STAB2: variants seen among roughly 807,000 people sequenced by gnomAD.
STAB2 encodes the protein stabilin-2.
STAB2 carries 288 observed loss-of-function variants against 338.1 expected under a neutral mutation model. The observed-to-expected ratio is 0.85, with a 90% CI of 0.77 to 0.94. The LOEUF (loss-of-function observed/expected upper bound fraction) is 0.94. Ranked by LOEUF, STAB2 falls within the 40% of genes least tolerant of loss-of-function variation. STAB2 has a pLI of 0.00. For missense variants in STAB2, 3,141 were observed against 3,210.1 expected (o/e 0.98, Z 0.52); for synonymous variants, 1,202 against 1,193.3 (o/e 1.01, Z -0.15).
At chr12:103,681,844 G>A (rs1454300978) in intron 25 of STAB2, among the ~76,000 whole-genome samples, 1 of 151,718 alleles carries the variant, frequency 6.6e-6, no homozygotes, top group Non-Finnish European at 1.5e-5. Context: ...TGGTCTCGAT[G>A]TCTTCACCTC....
chr12:103,744,652 G>A (rs566522927), intron 56 of STAB2, among the ~76,000 whole-genome samples: 42 of 150,714 alleles, frequency 2.8e-4, no homozygotes, highest in Non-Finnish European at 5.2e-4. Context: ...TGTTGTTGTT[G>A]TTTTGTAGAT....
rs73394054 is a variant in STAB2, at chr12:103,614,682, C to T, written c.332-5786C>T. On this transcript the variant is annotated intron_variant, in intron 3 of 68. Transcript: ENST00000388887. ...CAGAACCTTTCTGAAGCACCAGAAACATTGCCTAGTGTCCAGCTGATACAC... is the reference window on the plus strand; with the variant it reads ...CAGAACCTTTCTGAAGCACCAGAAATATTGCCTAGTGTCCAGCTGATACAC... Among the ~76,000 whole-genome samples, 1,315 of 152,312 alleles carry T rather than the reference C, an allele frequency of 8.6e-3. 13 individuals carry two copies. The highest frequency in any genetic ancestry group is 0.026 in the African/African-American group (1,092 of 41,556).
chr12:103,594,219 A>G lies in STAB2; in HGVS notation c.216-176A>G, dbSNP rs75959020. On this transcript the variant is annotated intron_variant, in intron 2 of 68. Coordinates refer to ENST00000388887, the MANE Select transcript of STAB2 (RefSeq NM_017564.10). ...CTGATTTTTTCATCCAGTTCTTACA[A>G]TTAAAAATAATCATAATTAAGTTTT... is the stretch of plus-strand genomic sequence containing the variant. Among the ~76,000 whole-genome samples, 6,067 of 152,334 alleles carry G rather than the reference A, an allele frequency of 0.04. 178 individuals are homozygous for G. The highest frequency in any genetic ancestry group is 0.12 in the East Asian group (634 of 5,188).
chr12:103,694,758 G>GT (rs1345680798), intron 31 of STAB2, among the ~76,000 whole-genome samples: 1 of 152,094 alleles, frequency 6.6e-6, no homozygotes, highest in Non-Finnish European at 1.5e-5. Context: ...ACATTCCAGT[G>GT]TTGAATTCTT....
rs1175128004 is a variant in STAB2, at chr12:103,668,743, G to A, written c.2172+14G>A. On this transcript the variant is annotated intron_variant, in intron 20 of 68. Transcript: ENST00000388887. ...GCCACTGTGAAGGTGAGGAGCGCGT[G>A]GCCGAGGCCCAGTCTAGGCCAGTAG... is the stretch of plus-strand genomic sequence containing the variant. 1 of 1,534,680 alleles carries A rather than the reference G, an allele frequency of 6.5e-7. No homozygotes were observed. The highest frequency in any genetic ancestry group is 8.8e-7 in the Non-Finnish European group (1 of 1,136,130).
rs544611325 is a variant in STAB2, at chr12:103,712,289, G to A, written c.4335-78G>A. On this transcript the variant is annotated intron_variant, in intron 40 of 68. Coordinates refer to ENST00000388887, the MANE Select transcript of STAB2 (RefSeq NM_017564.10). ...TGGGGGCAGGGGCCAGGATACTGAG[G>A]GTGAAGGGCATTTGTGAGTCATGTG... is the stretch of plus-strand genomic sequence containing the variant. The A allele has an allele frequency of 6.3e-6, 7 of 1,110,132 alleles. No individual in the cohort carries two copies. The South Asian group carries it at 8.6e-5, about 14-fold the overall frequency. The allele number at this position is 1,110,132 out of a possible 1,614,324, so 68.8% of individuals were successfully genotyped here.
chr12:103,755,655 C>T lies in STAB2; in HGVS notation c.6924C>T (p.Phe2308=), dbSNP rs760209592. 1.2e-6 allele frequency: 2 copies of T among 1,614,146 alleles called. No individual in the cohort carries two copies. The highest frequency in any genetic ancestry group is 1.7e-6 in the Non-Finnish European group (2 of 1,180,034). The change falls in exon 63 of 69, where the codon TTC becomes TTT. Residue 2308 remains phenylalanine, a synonymous_variant. Coordinates refer to ENST00000388887, the MANE Select transcript of STAB2 (RefSeq NM_017564.10). ...TCKVGYVGDG[F]SCSGNLLQVL... ...AGGTGGGCTATGTGGGAGATGGCTT[C>T]TCATGCAGTGGGAACCTGCTGCAGG...
At chr12:103,662,135 G>T (rs1296465199) in intron 17 of STAB2, among the ~76,000 whole-genome samples, 1 of 152,154 alleles carries the variant, frequency 6.6e-6, no homozygotes, top group Admixed American at 6.5e-5. Context: ...TATCTGGTTG[G>T]TGCAAAAGTA....
rs765576410 is a variant in STAB2, at chr12:103,705,678, G to A, written c.3947G>A (p.Arg1316Lys). ...RCIYTSYFMG[R>K]RTLFIGCQPK... is the part of the protein sequence containing the mutation. ...ATCTATACCTCCTATTTCATGGGAA[G>A]ACGAACCCTGTTTATTGGGTGCCAG... Residue 1316 changes from arginine to lysine, a missense_variant, in exon 37 of 69, where the codon AGA (arginine) becomes AAA (lysine). Coordinates refer to ENST00000388887, the MANE Select transcript of STAB2 (RefSeq NM_017564.10). The A allele has an allele frequency of 1.9e-6, 3 of 1,614,204 alleles. No homozygotes were observed. Among genetic ancestry groups the A allele is most frequent in the Admixed American group, 1.7e-5 (1 of 60,030 alleles).
At chr12:103,717,925 A>G in intron 44 of STAB2, 84 bp downstream of exon 44, 1 of 1,385,162 alleles carries the variant, frequency 7.2e-7, no homozygotes, top group Non-Finnish European at 1.0e-6. Flanking sequence ...TGCAGAGTTG[A>G]GGAACTCTTC....
intron 27 of STAB2, 136 bp from the exon 28 acceptor site, chr12:103,688,032 A>G: frequency 1.3e-6 from 1 of 759,676 alleles, no homozygotes; most frequent in Non-Finnish European, 2.3e-6. Flanking sequence ...TCAGGGAGGC[A>G]GGCCAGGACA....
chr12:103,764,568 G>A (rs1047701966), intron 68 of STAB2, among the ~76,000 whole-genome samples: 4 of 152,106 alleles, frequency 2.6e-5, no homozygotes, highest in Non-Finnish European at 5.9e-5. Context: ...AAAATACATA[G>A]GAATAGAACT....
At position 103,715,886 on chromosome 12, in the gene STAB2, C is replaced by A. The variant is rs772598114; in HGVS notation, c.4609C>A (p.Gln1537Lys). Residue 1537 changes from glutamine (Q) to lysine (K), a missense_variant and splice_region_variant, in exon 43 of 69, where the codon CAG (glutamine) becomes AAG (lysine). Gln to Lys is a moderately conservative substitution (Grantham distance 53). Coordinates refer to ENST00000388887, the MANE Select transcript of STAB2 (RefSeq NM_017564.10). ...GGAGTGCACACAGACAGGACCCAAC[C>A]AGGTGAGTGCCACCTCTCCCAGGCC... ...NAECTQTGPNQAACNCLPAYT... is the reference protein window; with the variant it reads ...NAECTQTGPNKAACNCLPAYT... The A allele has an allele frequency of 6.2e-7, 1 of 1,613,794 alleles. No homozygotes were observed. The highest frequency in any genetic ancestry group is 1.3e-5 in the African/African-American group (1 of 74,876).
chr12:103,587,901 T>C (rs1006736119), intron 1 of STAB2, among the ~76,000 whole-genome samples: 7 of 152,146 alleles, frequency 4.6e-5, no homozygotes, highest in Non-Finnish European at 8.8e-5. Context: ...GACTAGAAAA[T>C]AACTATGGCT....
At chr12:103,686,192 G>T (rs998591028) in intron 27 of STAB2, among the ~76,000 whole-genome samples, 3 of 151,862 alleles carry the variant, frequency 2.0e-5, no homozygotes, top group Non-Finnish European at 4.4e-5. Flanking sequence ...CTGAAATCAC[G>T]AGCCTAACAA....
intron 64 of STAB2, 127 bp from the exon 65 acceptor site, chr12:103,759,006 T>C (rs917495084): frequency 6.7e-7 from 1 of 1,500,220 alleles, no homozygotes; most frequent in Non-Finnish European, 9.2e-7. Flanking sequence ...TGACATTTCC[T>C]GATCTCCACA....
chr12:103,651,094 G>A (rs540456997), intron 11 of STAB2, among the ~76,000 whole-genome samples: 16 of 152,230 alleles, frequency 1.1e-4, no homozygotes, highest in South Asian at 2.1e-4. Flanking sequence ...TCATCCAGTG[G>A]GAATGAAACT....
chr12:103,683,384 C>T, intron 26 of STAB2, 84 bp downstream of exon 26: 1 of 1,271,744 alleles, frequency 7.9e-7, no homozygotes, highest in Admixed American at 2.4e-5. Flanking sequence ...CCTGTCTGGC[C>T]TAGTGATGAA....
intron 15 of STAB2, chr12:103,657,668 C>T (rs146119297): frequency 2.6e-5 from 4 of 152,336 alleles, no homozygotes; most frequent in East Asian, 1.9e-4. Context: ...CTCTCCAAGA[C>T]GTATCTTTCT....
Sources: allele counts gnomAD v4.1 joint callset (sites outside exome capture counted in the v4.1 genomes callset), GRCh38; gene constraint gnomAD v4.1.1; transcripts MANE v1.5; gene names NCBI Gene and HGNC (gene_info 2026-07-23, HGNC 2026-07-21).